Variants in RAPGEF4 observed in about 807,000 individuals in gnomAD.
The protein encoded by RAPGEF4 is Rap guanine nucleotide exchange factor 4, also known as RAP guanine-nucleotide-exchange factor (GEF) 4.
In RAPGEF4, 66 loss-of-function variants were observed where a neutral mutation model predicts 147.9. That is an observed-to-expected ratio of 0.45 (90% CI 0.37 to 0.55). The LOEUF (loss-of-function observed/expected upper bound fraction) is 0.55. Ranked by LOEUF, RAPGEF4 falls within the 20% of genes least tolerant of loss-of-function variation. The pLI is 0.00. For synonymous variants in RAPGEF4, 419 were observed against 442.7 expected (o/e 0.95, Z 0.67); for missense variants, 1,071 against 1,257.3 (o/e 0.85, Z 2.24).
chr2:172,948,918 A>G (rs1346088974), intron 6 of RAPGEF4, among the ~76,000 whole-genome samples: 1 of 152,194 alleles, frequency 6.6e-6, no homozygotes, highest in Non-Finnish European at 1.5e-5. Context: ...AAGTTTACCT[A>G]TATAACAAAC....
At chr2:172,954,677 GAC>G (rs998251879) in intron 6 of RAPGEF4, among the ~76,000 whole-genome samples, 2 of 152,056 alleles carry the variant, frequency 1.3e-5, no homozygotes, top group African/African-American at 4.8e-5. Context: ...ACAAGAATGA[GAC>G]ATACATTTCA....
intron 11 of RAPGEF4, among the ~76,000 whole-genome samples, 164 bp downstream of exon 11, chr2:172,983,744 C>T (rs1252994702): frequency 1.3e-5 from 2 of 152,176 alleles, no homozygotes; most frequent in African/African-American, 4.8e-5. Flanking sequence ...TACCCAAGAA[C>T]AATCACTGAA....
intron 6 of RAPGEF4, among the ~76,000 whole-genome samples, chr2:172,953,443 T>C (rs141032622): frequency 2.7e-5 from 4 of 150,288 alleles, no homozygotes; most frequent in Admixed American, 2.0e-4. Context: ...ATATATAGTC[T>C]CAGTTATTTG....
rs74668877 is a variant in RAPGEF4, at chr2:172,927,709, C to G, written c.537+5409C>G. On this transcript the variant is annotated intron_variant, in intron 6 of 30. Transcript: ENST00000397081. ...TATAAACCCTTTCAACTCCACCTTT[C>G]GAGGACCAACTGAATTCAAACTGTT... 5.3e-5 allele frequency among the ~76,000 whole-genome samples: 8 copies of G among 152,238 alleles called. No individual in the cohort carries two copies. The East Asian group carries it at 1.5e-3, about 29-fold the overall frequency.
intron 17 of RAPGEF4, among the ~76,000 whole-genome samples, chr2:173,005,526 T>TTTTTG (rs1271419404): frequency 3.6e-4 from 48 of 133,862 alleles, no homozygotes; most frequent in Middle Eastern, 3.8e-3. Context: ...TTGTGTTTTT[T>TTTTTG]TTTTTTTTTT....
intron 27 of RAPGEF4, among the ~76,000 whole-genome samples, chr2:173,035,284 A>G (rs1470140664): frequency 2.0e-5 from 3 of 151,864 alleles, no homozygotes; most frequent in Non-Finnish European, 2.9e-5. Flanking sequence ...CGAGGCGGGC[A>G]GATCACGAGG....
At chr2:172,898,323 T>C (rs1489520121) in intron 4 of RAPGEF4, among the ~76,000 whole-genome samples, 1 of 152,168 alleles carries the variant, frequency 6.6e-6, no homozygotes, top group African/African-American at 2.4e-5. Flanking sequence ...TCCTGTTCCC[T>C]GTGAAAGAAT....
chr2:172,758,904 A>G (rs1696035902), intron 1 of RAPGEF4, among the ~76,000 whole-genome samples: 1 of 152,170 alleles, frequency 6.6e-6, no homozygotes, highest in African/African-American at 2.4e-5. Context: ...TGACACTTAA[A>G]GCCATGAGAT....
chr2:172,845,984 C>T (rs1692137676), intron 4 of RAPGEF4, among the ~76,000 whole-genome samples: 1 of 152,204 alleles, frequency 6.6e-6, no homozygotes, highest in South Asian at 2.1e-4. Flanking sequence ...CAAATCTAGG[C>T]TCCTGTCTTT....
chr2:172,968,240 T>C (rs998883304), intron 10 of RAPGEF4, among the ~76,000 whole-genome samples: 7 of 152,176 alleles, frequency 4.6e-5, no homozygotes, highest in Non-Finnish European at 8.8e-5. Flanking sequence ...GTTTTTTGGC[T>C]GGAAATGAAG....
intron 4 of RAPGEF4, among the ~76,000 whole-genome samples, chr2:172,901,491 A>T (rs1233584419): frequency 6.6e-6 from 1 of 152,260 alleles, no homozygotes; most frequent in Non-Finnish European, 1.5e-5. Context: ...TTATGTTTGT[A>T]GGTCTTCATG....
intron 12 of RAPGEF4, among the ~76,000 whole-genome samples, chr2:172,987,033 C>T (rs1217877502): frequency 2.0e-5 from 3 of 152,126 alleles, no homozygotes; most frequent in Admixed American, 6.5e-5. Flanking sequence ...ATTATACACG[C>T]TGGGTGCAGT....
intron 1 of RAPGEF4, among the ~76,000 whole-genome samples, chr2:172,780,597 C>T (rs1266543826): frequency 1.3e-5 from 2 of 152,142 alleles, no homozygotes; most frequent in African/African-American, 2.4e-5. Flanking sequence ...GGTTCCGCTT[C>T]TCAGTTGCCT....
At chr2:172,767,011 A>C (rs1297828896) in intron 1 of RAPGEF4, among the ~76,000 whole-genome samples, 2 of 152,224 alleles carry the variant, frequency 1.3e-5, no homozygotes, top group Non-Finnish European at 2.9e-5. Flanking sequence ...TCAGCTCAAC[A>C]AATTCTGAGA....
chr2:173,029,977 A>G (rs545861049), intron 25 of RAPGEF4, among the ~76,000 whole-genome samples, 187 bp from the exon 26 acceptor site: 12 of 152,362 alleles, frequency 7.9e-5, no homozygotes, highest in Admixed American at 1.3e-4. Flanking sequence ...CTAAAAACAC[A>G]GTGAGAAATC....
chr2:172,964,828 G>A (rs1354619150), intron 8 of RAPGEF4, among the ~76,000 whole-genome samples: 1 of 152,152 alleles, frequency 6.6e-6, no homozygotes, highest in African/African-American at 2.4e-5. Flanking sequence ...ATATGTGAGT[G>A]TATATACTTA....
At chr2:172,776,587 G>A (rs770150501) in intron 1 of RAPGEF4, among the ~76,000 whole-genome samples, 4 of 151,904 alleles carry the variant, frequency 2.6e-5, no homozygotes, top group Admixed American at 1.3e-4. Context: ...TATTGTCTCC[G>A]AGGCTATTGA....
intron 4 of RAPGEF4, among the ~76,000 whole-genome samples, chr2:172,820,862 T>C (rs1435177852): frequency 6.6e-6 from 1 of 152,252 alleles, no homozygotes; most frequent in East Asian, 1.9e-4. Context: ...GTTGTGAAAC[T>C]GGAAAGCTTT....
chr2:172,859,907 T>C (rs937226926), intron 4 of RAPGEF4: 14 of 457,352 alleles, frequency 3.1e-5, no homozygotes, highest in Non-Finnish European at 4.0e-5. Context: ...CCTGTCTCAA[T>C]GGAATATTGA....
Sources: allele counts gnomAD v4.1 joint callset (sites outside exome capture counted in the v4.1 genomes callset), GRCh38; gene constraint gnomAD v4.1.1; transcripts MANE v1.5; gene names NCBI Gene and HGNC (gene_info 2026-07-23, HGNC 2026-07-21).